Variants in MTMR1 observed in about 807,000 individuals in gnomAD.
MTMR1 encodes phosphatidylinositol-3-phosphate phosphatase MTMR1.
In MTMR1, 17 loss-of-function variants were observed where a neutral mutation model predicts 51.6. The observed-to-expected ratio is 0.33, with a 90% CI of 0.23 to 0.49. MTMR1 has a LOEUF of 0.49. Ranked by LOEUF, MTMR1 falls within the 20% of genes least tolerant of loss-of-function variation. The probability of loss-of-function intolerance (pLI) is 0.99; values close to 1 mark genes in which losing one functional copy is unlikely to be tolerated. For missense variants in MTMR1, 386 were observed against 526.9 expected, an observed-to-expected ratio of 0.73 and a Z score of 2.62; for synonymous variants, 201 against 205.6, an observed-to-expected ratio of 0.98 and a Z score of 0.19.
chrX:150,757,008 G>A (rs184882382), intron 15 of MTMR1, among the ~76,000 whole-genome samples: 4 of 112,163 alleles, frequency 3.6e-5, no homozygotes, highest in East Asian at 5.6e-4. Flanking sequence ...CATCAGGAGC[G>A]TGTACCCAGG....
chrX:150,694,133 G>A (rs1304868387), intron 1 of MTMR1, among the ~76,000 whole-genome samples: 2 of 111,452 alleles, frequency 1.8e-5, no homozygotes, highest in East Asian at 5.7e-4. Context: ...TCTTTGATGG[G>A]GGGTTGGGAG....
At chrX:150,693,366 G>T (rs782811136), upstream of MTMR1, 1,042 of 648,589 alleles carry the variant, frequency 1.6e-3, no homozygotes, top group Non-Finnish European at 1.8e-3. Context: ...CCGCGCGCGC[G>T]GCCTTGTGGG....
chrX:150,739,841 C>A (rs1409833873), intron 12 of MTMR1, among the ~76,000 whole-genome samples: 1 of 112,193 alleles, frequency 8.9e-6, no homozygotes, highest in Non-Finnish European at 1.9e-5. Context: ...TGTGTGTTAT[C>A]TGCCTAAAGT....
At chrX:150,734,899 A>G (rs1410839337) in intron 10 of MTMR1, among the ~76,000 whole-genome samples, 2 of 112,285 alleles carry the variant, frequency 1.8e-5, no homozygotes, top group African/African-American at 6.5e-5. Context: ...GTCCAACTGG[A>G]ACCTCAGAAT....
chrX:150,745,662 A>G (rs2042557449), intron 13 of MTMR1, among the ~76,000 whole-genome samples: 1 of 112,123 alleles, frequency 8.9e-6, no homozygotes, highest in East Asian at 2.8e-4. Flanking sequence ...TGGAGAACTC[A>G]GAAGATGGCT....
intron 2 of MTMR1, among the ~76,000 whole-genome samples, chrX:150,707,049 C>CA (rs1280733910): frequency 1.2e-4 from 13 of 108,049 alleles, no homozygotes; most frequent in African/African-American, 3.0e-4. Flanking sequence ...CATCTATAGA[C>CA]AAAAAAACAA....
chrX:150,731,423 TAA>T, intron 8 of MTMR1, 45 bp from the exon 9 acceptor site: 1 of 1,092,115 alleles, frequency 9.2e-7, no homozygotes. Context: ...TTTCAAAGTG[TAA>T]AGTCATGCAT....
intron 4 of MTMR1, among the ~76,000 whole-genome samples, chrX:150,724,516 A>C (rs1490479081): frequency 2.7e-5 from 3 of 111,824 alleles, no homozygotes; most frequent in Non-Finnish European, 3.8e-5. Context: ...ATAGTTTGCA[A>C]ATATTTTCTC....
In MTMR1 at chrX:150,712,353, G is replaced by T; in HGVS notation, c.264G>T (p.Arg88Ser). ...NVSRDYKVFR[R>S]PDLRALRDGN... Reference sequence around the variant, plus strand: ...ATTTTAACTAACAGGTTTTCAGGAGGCCTGATCTAAGGGTAAGGATATTTG... The same window carrying T: ...ATTTTAACTAACAGGTTTTCAGGAGTCCTGATCTAAGGGTAAGGATATTTG... The change falls in exon 3 of 16, where the codon AGG (arginine) becomes AGT (serine). Residue 88 changes from arginine to serine, a missense_variant. Coordinates refer to ENST00000445323, the MANE Select transcript of MTMR1 (RefSeq NM_001306144.3). The T allele has an allele frequency of 8.6e-7, 1 of 1,164,990 alleles. No homozygotes were observed. Among genetic ancestry groups the T allele is most frequent in the Non-Finnish European group, 1.1e-6 (1 of 871,751 alleles).
intron 2 of MTMR1, among the ~76,000 whole-genome samples, chrX:150,703,790 G>A (rs1557416000): frequency 8.9e-6 from 1 of 111,838 alleles, no homozygotes; most frequent in East Asian, 2.8e-4. Context: ...AAACTCAGAT[G>A]CCTTCATGGA....
At chrX:150,743,173 G>A (rs1408158080) in intron 12 of MTMR1, among the ~76,000 whole-genome samples, 3 of 111,376 alleles carry the variant, frequency 2.7e-5, no homozygotes, top group African/African-American at 9.8e-5. Flanking sequence ...GGAGGCTGAG[G>A]TGGGAGGATC....
chrX:150,699,507 G>T (rs782667609), intron 2 of MTMR1, among the ~76,000 whole-genome samples: 8 of 112,350 alleles, frequency 7.1e-5, no homozygotes, highest in African/African-American at 9.7e-5. Context: ...TTTTGTAATT[G>T]AAAGGAGAAG....
Position 150,718,708 on chromosome X carries a change from T to A in MTMR1, c.352+8T>A. ...AATCAATTAAAGCCATTGGTAAGTTTAGTGTGTACACTTCGCTTTTTGAGA... is the reference window on the plus strand; with the variant it reads ...AATCAATTAAAGCCATTGGTAAGTTAAGTGTGTACACTTCGCTTTTTGAGA... On this transcript the variant is annotated splice_region_variant and intron_variant, in intron 4 of 15. Coordinates refer to ENST00000445323, the MANE Select transcript of MTMR1 (RefSeq NM_001306144.3). The A allele has an allele frequency of 8.4e-7, 1 of 1,193,617 alleles. No individual in the cohort carries two copies. Among genetic ancestry groups the A allele is most frequent in the Non-Finnish European group, 1.1e-6 (1 of 886,954 alleles).
At chrX:150,710,363 T>C (rs2041265344) in intron 2 of MTMR1, among the ~76,000 whole-genome samples, 3 of 111,394 alleles carry the variant, frequency 2.7e-5, no homozygotes, top group South Asian at 7.6e-4. Flanking sequence ...TGTTTTGTTT[T>C]GTTTTGTTCT....
chrX:150,744,874 C>T (rs1179620557), intron 13 of MTMR1, among the ~76,000 whole-genome samples: 1 of 112,284 alleles, frequency 8.9e-6, no homozygotes, highest in African/African-American at 3.2e-5. Context: ...CACTCTGCCC[C>T]AGTCCAGAGC....
At chrX:150,759,196 A>G (rs192146014) in intron 15 of MTMR1, among the ~76,000 whole-genome samples, 2 of 112,460 alleles carry the variant, frequency 1.8e-5, no homozygotes, top group East Asian at 5.6e-4. Flanking sequence ...CAACTTGGGA[A>G]CCAAAGCCTA....
chrX:150,732,354 G>A (rs2042143049), intron 9 of MTMR1, among the ~76,000 whole-genome samples, 188 bp from the exon 10 acceptor site: 1 of 111,311 alleles, frequency 9.0e-6, no homozygotes, highest in Non-Finnish European at 1.9e-5. Flanking sequence ...AGTCAGAATT[G>A]TTTCATCCTG....
At position 150,698,678 on chromosome X, in the gene MTMR1, G is replaced by GCACA. The variant is rs1444236629; in HGVS notation, c.147-516_147-515insACAC. 4.4e-3 allele frequency among the ~76,000 whole-genome samples: 311 copies of GCACA among 70,785 alleles called. 3 individuals are homozygous for GCACA. Among genetic ancestry groups the GCACA allele is most frequent in the African/African-American group, 5.0e-3 (96 of 19,311 alleles). 61.5% of individuals were successfully genotyped at this position (70,785 alleles called of 115,157 possible). A position where few individuals can be genotyped will look rare whatever the true frequency, so the allele number is the denominator to read the frequency against. ...ATGGCAAAACCCTGTCTACACGCGC[G>GCACA]CGCACACACACACACACACACACAC... On this transcript the variant is annotated intron_variant, in intron 1 of 15. Coordinates refer to ENST00000445323, the MANE Select transcript of MTMR1 (RefSeq NM_001306144.3).
chrX:150,746,333 G>A (rs1255048613), intron 13 of MTMR1, among the ~76,000 whole-genome samples: 1 of 111,575 alleles, frequency 9.0e-6, no homozygotes, highest in East Asian at 2.8e-4. Flanking sequence ...TGGGTAAGAG[G>A]GGCTGGTCCC....
Sources: allele counts gnomAD v4.1 joint callset (sites outside exome capture counted in the v4.1 genomes callset), GRCh38; gene constraint gnomAD v4.1.1; transcripts MANE v1.5; gene names NCBI Gene and HGNC (gene_info 2026-07-23, HGNC 2026-07-21).